ANKFY1: variants seen among roughly 807,000 people sequenced by gnomAD.
The protein encoded by ANKFY1 is ankyrin repeat and FYVE domain containing 1.
ANKFY1 carries 47 observed loss-of-function variants against 128.3 expected under a neutral mutation model. The ratio of observed to expected loss-of-function variants is 0.37; its 90% CI spans 0.29 to 0.47. ANKFY1 has a LOEUF of 0.47. Among genes scored for constraint, ANKFY1 ranks in the 20% least tolerant of loss-of-function variants. The probability of loss-of-function intolerance (pLI) is 1.00; values close to 1 mark genes in which losing one functional copy is unlikely to be tolerated. For missense variants in ANKFY1, 1,222 were observed against 1,510.6 expected (o/e 0.81, Z 3.17); for synonymous variants, 553 against 601.6 (o/e 0.92, Z 1.18).
intron 11 of ANKFY1, chr17:4,187,262 G>T: frequency 2.5e-6 from 1 of 398,794 alleles, no homozygotes; most frequent in Non-Finnish European, 4.4e-6. Context: ...GCGTGTCACA[G>T]ACTGATTCTG....
At chr17:4,185,129 C>T (rs1023588458) in intron 11 of ANKFY1, 83 bp from the exon 12 acceptor site, 43 of 1,293,812 alleles carry the variant, frequency 3.3e-5, no homozygotes, top group Non-Finnish European at 4.0e-5. Flanking sequence ...TGCAAAACCT[C>T]GGGTCCTTGG....
rs189026283 is a variant in ANKFY1, at chr17:4,183,892, G to A, written c.1718C>T (p.Thr573Ile). 82 of 1,613,418 alleles carry A rather than the reference G, an allele frequency of 5.1e-5. No individual in the cohort carries two copies. Among genetic ancestry groups the A allele is most frequent in the Non-Finnish European group, 6.8e-5 (80 of 1,179,338 alleles). The change falls in exon 13 of 25, where the codon ACC becomes ATC. Residue 573 changes from threonine to isoleucine, a missense_variant. Thr to Ile is a moderately conservative substitution (Grantham distance 89). Transcript: ENST00000341657. ...GTCCGGAATGATCTGCAAGTTGTTG[G>A]TGGCATGAAGAGCATTGGCTAAATG... ...LEQKANALHA[T>I]NNLQIIPDFS...
chr17:4,180,647 G>C (rs914991420), intron 16 of ANKFY1, among the ~76,000 whole-genome samples: 1 of 147,230 alleles, frequency 6.8e-6, no homozygotes. Context: ...GGCGCCTGTA[G>C]TCCCAGGGCT....
At chr17:4,223,483 A>G (rs1273033502) in intron 3 of ANKFY1, 1 of 1,152,478 alleles carries the variant, frequency 8.7e-7, no homozygotes, top group Non-Finnish European at 1.3e-6. Context: ...ATGCCGTCTC[A>G]TGGACTATCA....
At chr17:4,179,117 G>A in intron 17 of ANKFY1, 60 bp from the exon 18 acceptor site, 1 of 1,544,698 alleles carries the variant, frequency 6.5e-7, no homozygotes, top group Non-Finnish European at 8.9e-7. Flanking sequence ...GGAAAAATAT[G>A]AAAGGGTATA....
At position 4,242,300 on chromosome 17, in the gene ANKFY1, A is replaced by G; in HGVS notation, c.159T>C (p.Arg53=). 6.3e-7 allele frequency: 1 copy of G among 1,592,360 alleles called. No homozygotes were observed. The highest frequency in any genetic ancestry group is 2.3e-5 in the East Asian group (1 of 42,904). The change falls in exon 2 of 25, where the codon CGT becomes CGC. Residue 53 remains arginine (R), a synonymous_variant. Coordinates refer to ENST00000341657, the MANE Select transcript of ANKFY1 (RefSeq NM_001330063.2). ...KESSSESFIS[R]LLAIVADLYE... is the part of the protein sequence containing the mutation. The stretch of plus-strand genomic sequence containing the variant: ...AGAGGTCTGCCACGATGGCCAGCAG[A>G]CGGCTGATGAAGGACTCGCTGCTGC...
At position 4,164,287 on chromosome 17, in the gene ANKFY1, A is replaced by G. The variant is rs939357522; in HGVS notation, c.*3492T>C. On this transcript the variant is annotated 3_prime_UTR_variant, in exon 25 of 25. Coordinates refer to ENST00000341657, the MANE Select transcript of ANKFY1 (RefSeq NM_001330063.2). ...TTAATATATTATTTATGCCACACAAAAAAGGAATAGTACAGGCAATGATCT... is the reference window on the plus strand; with the variant it reads ...TTAATATATTATTTATGCCACACAAGAAAGGAATAGTACAGGCAATGATCT... 2 of 152,712 alleles carry G rather than the reference A, an allele frequency of 1.3e-5. No individual in the cohort carries two copies. Among genetic ancestry groups the G allele is most frequent in the African/African-American group, 4.8e-5 (2 of 41,480 alleles). 9.5% of individuals were successfully genotyped at this position (152,712 alleles called of 1,614,324 possible).
At chr17:4,203,867 A>C (rs924484164) in intron 7 of ANKFY1, among the ~76,000 whole-genome samples, 2 of 151,370 alleles carry the variant, frequency 1.3e-5, no homozygotes, top group Non-Finnish European at 2.9e-5. Flanking sequence ...GAAAAAAGAA[A>C]CCCATCAACT....
At chr17:4,221,051 T>C (rs1448572998) in intron 3 of ANKFY1, among the ~76,000 whole-genome samples, 3 of 152,258 alleles carry the variant, frequency 2.0e-5, no homozygotes, top group African/African-American at 7.2e-5. Flanking sequence ...CCAGGATGCA[T>C]GTAAATACAC....
At position 4,197,390 on chromosome 17, in the gene ANKFY1, C is replaced by A. The variant is rs1326664899; in HGVS notation, c.1086G>T (p.Met362Ile). ...ALLQAGANPN[M>I]QDSKGRTPLH... is the part of the protein sequence containing the mutation. ...CAGCTTACCTCCCCTTGCTGTCCTG[C>A]ATGTTGGGGTTGGCACCAGCCTGCA... Residue 362 changes from methionine (M) to isoleucine (I), a missense_variant, in exon 8 of 25, where the codon ATG becomes ATT. By Grantham distance (10) the Met-to-Ile change is conservative. Coordinates refer to ENST00000341657, the MANE Select transcript of ANKFY1 (RefSeq NM_001330063.2). The A allele has an allele frequency of 1.2e-6, 2 of 1,614,188 alleles. No homozygotes were observed. Among genetic ancestry groups the A allele is most frequent in the South Asian group, 1.1e-5 (1 of 91,084 alleles).
intron 22 of ANKFY1, 57 bp downstream of exon 22, chr17:4,172,499 T>C: frequency 6.3e-7 from 1 of 1,586,138 alleles, no homozygotes; most frequent in Non-Finnish European, 8.6e-7. Flanking sequence ...GGCTCTTGCT[T>C]TTCCAGGAAG....
chr17:4,187,291 T>C (rs1010279346), intron 11 of ANKFY1: 1 of 398,620 alleles, frequency 2.5e-6, no homozygotes, highest in African/African-American at 2.1e-5. Context: ...GTGAAACCTG[T>C]TCCTTTGGAT....
intron 1 of ANKFY1, among the ~76,000 whole-genome samples, chr17:4,256,024 C>G (rs967503625): frequency 9.2e-5 from 14 of 152,012 alleles, no homozygotes; most frequent in Non-Finnish European, 1.8e-4. Context: ...CACCATGTTG[C>G]TCAGGCTAGT....
At chr17:4,177,460 C>T (rs554898111) in intron 18 of ANKFY1, among the ~76,000 whole-genome samples, 158 bp from the exon 19 acceptor site, 1 of 152,210 alleles carries the variant, frequency 6.6e-6, no homozygotes, top group East Asian at 1.9e-4. Context: ...ACGCCATCCC[C>T]CAACCCACCC....
At chr17:4,249,057 C>A in intron 1 of ANKFY1, 1 of 869,420 alleles carries the variant, frequency 1.2e-6, no homozygotes, top group Non-Finnish European at 1.4e-6. Context: ...AGTGCAATGT[C>A]TACTGCAAAA....
At chr17:4,208,889 G>A (rs1023061214) in intron 5 of ANKFY1, among the ~76,000 whole-genome samples, 9 of 151,996 alleles carry the variant, frequency 5.9e-5, no homozygotes, top group South Asian at 2.1e-4. Context: ...AGAAACCCCC[G>A]TCTCTACTAA....
Position 4,169,389 on chromosome 17 carries a change from G to T in ANKFY1, c.3287-101C>A. 3.6e-6 allele frequency: 3 copies of T among 844,868 alleles called. No individual in the cohort carries two copies. In the East Asian group the frequency reaches 8.1e-5, roughly 23 times the overall value. 52.3% of individuals were successfully genotyped at this position (844,868 alleles called of 1,614,324 possible). ...GGAACACAGACCCGTAAGTGAGGCA[G>T]CGCTGCCACATGACATAGGTGACGA... On this transcript the variant is annotated intron_variant, in intron 23 of 24. Coordinates refer to ENST00000341657, the MANE Select transcript of ANKFY1 (RefSeq NM_001330063.2). This position sits in a 1 kb window ranked among gnomAD's most constrained non-coding sequence, Gnocchi z 5.0.
In ANKFY1 at chr17:4,202,174, G is replaced by A. The variant is rs537222562; in HGVS notation, c.898+4147C>T. On this transcript the variant is annotated intron_variant, in intron 7 of 24. Coordinates refer to ENST00000341657, the MANE Select transcript of ANKFY1 (RefSeq NM_001330063.2). ...TCCCAGCACTTTGGGAGGCCGAGGC[G>A]GGCATTTCACTTGAGGCCAGGGGTT... Among the ~76,000 whole-genome samples the A allele has an allele frequency of 1.4e-3, 215 of 152,012 alleles. 1 individual carries two copies. The highest frequency in any genetic ancestry group is 4.8e-3 in the African/African-American group (199 of 41,452).
At chr17:4,263,872 C>T in intron 1 of ANKFY1, 60 bp downstream of exon 1, 4 of 1,613,158 alleles carry the variant, frequency 2.5e-6, no homozygotes, top group African/African-American at 1.3e-5. Flanking sequence ...CAGCTTCGCA[C>T]GGCCAGCAGC....
Sources: gnomAD v4.1 joint callset for allele counts (sites outside exome capture counted in the v4.1 genomes callset) on GRCh38, gnomAD v4.1.1 for gene constraint, Gnocchi (gnomAD v3.1) non-coding constraint, MANE v1.5 for transcripts, NCBI Gene and HGNC (gene_info 2026-07-23, HGNC 2026-07-21) for gene names.